Variants in INPP5D observed in about 807,000 individuals in gnomAD.
INPP5D encodes the protein phosphatidylinositol 3,4,5-trisphosphate 5-phosphatase 1.
INPP5D carries 33 observed loss-of-function variants against 122.9 expected under a neutral mutation model. That is an observed-to-expected ratio of 0.27 (90% confidence interval 0.20 to 0.36). The LOEUF is 0.36. Ranked by LOEUF, INPP5D falls within the 10% of genes least tolerant of loss-of-function variation. INPP5D has a pLI of 1.00. For synonymous variants in INPP5D, 584 were observed against 576.2 expected (o/e 1.01, Z -0.19); for missense variants, 1,053 against 1,412.7 (o/e 0.75, Z 4.08).
At chr2:233,191,116 G>A (rs1210628331) in intron 22 of INPP5D, among the ~76,000 whole-genome samples, 1 of 152,186 alleles carries the variant, frequency 6.6e-6, no homozygotes. Context: ...GGAAAGAGGT[G>A]TAATTGACTC....
At chr2:233,130,433 G>C in intron 4 of INPP5D, 75 bp from the exon 5 acceptor site, 1 of 1,485,816 alleles carries the variant, frequency 6.7e-7, no homozygotes. Context: ...TTGTTATTGT[G>C]GTTGCTGTTC....
intron 2 of INPP5D, among the ~76,000 whole-genome samples, chr2:233,085,345 C>T (rs868640504): frequency 1.3e-5 from 2 of 151,378 alleles, no homozygotes; most frequent in Admixed American, 6.6e-5. Context: ...GAGGTCTCAC[C>T]ACTGCACTCC....
chr2:233,150,818 G>T (rs1229015810), intron 9 of INPP5D, among the ~76,000 whole-genome samples: 1 of 152,172 alleles, frequency 6.6e-6, no homozygotes, highest in African/African-American at 2.4e-5. Context: ...CTCTTTTGGG[G>T]AGTGAGGGCA....
At position 233,170,618 on chromosome 2, in the gene INPP5D, C is replaced by A. The variant is rs1227854433; in HGVS notation, c.1900+14C>A. 1.2e-6 allele frequency: 2 copies of A among 1,611,656 alleles called. No homozygotes were observed. The highest frequency in any genetic ancestry group is 1.7e-6 in the Non-Finnish European group (2 of 1,178,984). ...TCCTACACTTCGGTAAGAGCAGCAA[C>A]CCCGGCTGGGAGCGGTGGCTCACAC... On this transcript the variant is annotated intron_variant, in intron 16 of 26. Transcript: ENST00000445964. This position sits in a 1 kb window ranked among gnomAD's most constrained non-coding sequence, Gnocchi z 4.5.
At position 233,195,414 on chromosome 2, in the gene INPP5D, A is replaced by G; in HGVS notation, c.2612A>G (p.Glu871Gly). 1 of 1,612,996 alleles carries G rather than the reference A, an allele frequency of 6.2e-7. No individual in the cohort carries two copies. Among genetic ancestry groups the G allele is most frequent in the Non-Finnish European group, 8.5e-7 (1 of 1,179,254 alleles). Residue 871 changes from glutamate to glycine, a missense_variant, in exon 24 of 27, where the codon GAG becomes GGG. Physicochemically the swap from Glu to Gly is moderately conservative, Grantham distance 98. Transcript: ENST00000445964. ...TTCCTTCCAGACTTTGTGAAGACGGAGCGTGATGAATCCAGTGGGCCAAAG... is the reference window on the plus strand; with the variant it reads ...TTCCTTCCAGACTTTGTGAAGACGGGGCGTGATGAATCCAGTGGGCCAAAG... ...REKLYDFVKT[E>G]RDESSGPKTL...
intron 13 of INPP5D, among the ~76,000 whole-genome samples, chr2:233,168,556 A>G (rs1288563624): frequency 6.6e-6 from 1 of 152,278 alleles, no homozygotes; most frequent in Non-Finnish European, 1.5e-5. Flanking sequence ...CCAGAAGTCA[A>G]TAGGCATGGC....
intron 2 of INPP5D, among the ~76,000 whole-genome samples, chr2:233,121,712 GA>G (rs1692985222): frequency 6.6e-6 from 1 of 151,644 alleles, no homozygotes; most frequent in Non-Finnish European, 1.5e-5. Context: ...TGTTAGCAGA[GA>G]TGGGGTTTCA....
In INPP5D at chr2:233,102,876, C is replaced by A. The variant is rs537272760; in HGVS notation, c.199-19231C>A. On this transcript the variant is annotated intron_variant, in intron 2 of 26. Coordinates refer to ENST00000445964, the MANE Select transcript of INPP5D (RefSeq NM_001017915.3). The stretch of plus-strand genomic sequence containing the variant: ...AAAAAAAAAAAAAACAACCAAAAAA[C>A]CACAGCGCCTTCTCACTACAAAGCC... Among the ~76,000 whole-genome samples the A allele has an allele frequency of 2.5e-4, 37 of 147,704 alleles. No homozygotes were observed. In the South Asian group the frequency reaches 4.3e-3, roughly 17 times the overall value.
Position 233,139,898 on chromosome 2 carries a change from A to G in INPP5D, c.722A>G (p.Gln241Arg). Reference sequence around the variant, plus strand: ...TCTCTGCAGAGGTTATTTGACCAGCAGCTCTCCCCGGGCCTCCGTCCACGT... The same window carrying G: ...TCTCTGCAGAGGTTATTTGACCAGCGGCTCTCCCCGGGCCTCCGTCCACGT... ...LESLQRLFDQ[Q>R]LSPGLRPRPQ... Residue 241 changes from glutamine to arginine, a missense_variant, in exon 6 of 27, where the codon CAG becomes CGG. This residue lies in a region of INPP5D where 196 missense variants were observed against 175.6 expected (regional missense o/e 1.12). Transcript: ENST00000445964. 1 of 398,772 alleles carries G rather than the reference A, an allele frequency of 2.5e-6. No homozygotes were observed. The highest frequency in any genetic ancestry group is 4.4e-6 in the Non-Finnish European group (1 of 226,228). 24.7% of individuals were successfully genotyped at this position (398,772 alleles called of 1,614,324 possible).
At position 233,197,810 on chromosome 2, in the gene INPP5D, T is replaced by C. The variant is rs943493473; in HGVS notation, c.2694-285T>C. Among the ~76,000 whole-genome samples the C allele has an allele frequency of 3.3e-5, 5 of 152,146 alleles. No homozygotes were observed. Among genetic ancestry groups the C allele is most frequent in the African/African-American group, 1.2e-4 (5 of 41,420 alleles). On this transcript the variant is annotated intron_variant, in intron 24 of 26. Coordinates refer to ENST00000445964, the MANE Select transcript of INPP5D (RefSeq NM_001017915.3). This position sits in a 1 kb window ranked among gnomAD's most constrained non-coding sequence, Gnocchi z 4.4. ...GTGTCTCTGTGTCACTGAGCTTGTT[T>C]TTCTCTCCCATCAAAAGTGAGTTCC...
At position 233,204,501 on chromosome 2, in the gene INPP5D, G is replaced by C; in HGVS notation, c.3351G>C (p.Pro1117=). 1.3e-6 allele frequency: 2 copies of C among 1,582,504 alleles called. No homozygotes were observed. The highest frequency in any genetic ancestry group is 1.7e-6 in the Non-Finnish European group (2 of 1,165,726). Reference sequence around the variant, plus strand: ...CGGTCAGCTCCCAGGCCCCGGTGCCGGCCAAGAGGCCCATCAAGCCTTCCA... The same window carrying C: ...CGGTCAGCTCCCAGGCCCCGGTGCCCGCCAAGAGGCCCATCAAGCCTTCCA... ...KTPVSSQAPV[P]AKRPIKPSRS... Residue 1117 remains proline (P), a synonymous_variant, in exon 26 of 27, where the codon CCG becomes CCC. Coordinates refer to ENST00000445964, the MANE Select transcript of INPP5D (RefSeq NM_001017915.3).
intron 8 of INPP5D, among the ~76,000 whole-genome samples, chr2:233,146,811 CATGAGA>C (rs1162825094): frequency 6.6e-6 from 1 of 152,126 alleles, no homozygotes; most frequent in Admixed American, 6.5e-5. Flanking sequence ...CTGTGATTTC[CATGAGA>C]ATGACTGGAT....
rs1695494509 is a variant in INPP5D at position 233,206,098 on chromosome 2, C to T, written c.3568-608C>T. Reference sequence around the variant, plus strand: ...CATCTCAAAAAAGAGAACAGTCAGGCTATGTTGGATTTGAATCCCAGCCCT... The same window carrying T: ...CATCTCAAAAAAGAGAACAGTCAGGTTATGTTGGATTTGAATCCCAGCCCT... On this transcript the variant is annotated intron_variant, in intron 26 of 26. Coordinates refer to ENST00000445964, the MANE Select transcript of INPP5D (RefSeq NM_001017915.3). The surrounding 1 kb of genome is among the most constrained non-coding windows in gnomAD (Gnocchi z 4.0). 6.6e-6 allele frequency among the ~76,000 whole-genome samples: 1 copy of T among 151,870 alleles called. No individual in the cohort carries two copies. The highest frequency in any genetic ancestry group is 2.4e-5 in the African/African-American group (1 of 41,342).
intron 1 of INPP5D, among the ~76,000 whole-genome samples, chr2:233,075,805 G>A (rs1008464889): frequency 6.6e-6 from 1 of 152,128 alleles, no homozygotes; most frequent in Admixed American, 6.5e-5. Context: ...TCCCTTGAAG[G>A]TTGAAACTGA....
intron 17 of INPP5D, among the ~76,000 whole-genome samples, chr2:233,176,663 G>GTGGGTGGATGGATGAGTGGATGAA (rs1396388962): frequency 8.3e-4 from 110 of 133,106 alleles, no homozygotes; most frequent in African/African-American, 3.2e-3. Flanking sequence ...GGATGGGTGG[G>GTGGGTGGATGGATGAGTGGATGAA]TGGGTGGATG....
intron 17 of INPP5D, among the ~76,000 whole-genome samples, chr2:233,176,295 A>C (rs1012899286): frequency 9.8e-6 from 1 of 101,766 alleles, no homozygotes; most frequent in African/African-American, 3.6e-5. Context: ...GTGAACGGTC[A>C]ATGGATGAGT....
intron 2 of INPP5D, among the ~76,000 whole-genome samples, chr2:233,081,898 C>T (rs1272920605): frequency 6.6e-6 from 1 of 152,184 alleles, no homozygotes; most frequent in Non-Finnish European, 1.5e-5. Context: ...GCTTTCTCCG[C>T]ATGAGCCACT....
intron 2 of INPP5D, among the ~76,000 whole-genome samples, chr2:233,120,943 T>A (rs909708776): frequency 6.6e-6 from 1 of 152,036 alleles, no homozygotes; most frequent in African/African-American, 2.4e-5. Context: ...GCAAAACAAT[T>A]GCTGGAATTG....
chr2:233,166,149 G>T (rs375586031), intron 13 of INPP5D, among the ~76,000 whole-genome samples: 6 of 152,228 alleles, frequency 3.9e-5, no homozygotes, highest in Admixed American at 6.5e-5. Flanking sequence ...CTGCGCCCAC[G>T]CCCTCCTGCT....
Sources: gnomAD v4.1 joint callset for allele counts (sites outside exome capture counted in the v4.1 genomes callset) on GRCh38, gnomAD v4.1.1 for gene constraint, gnomAD v4.1.1 regional missense constraint, Gnocchi (gnomAD v3.1) non-coding constraint, MANE v1.5 for transcripts, NCBI Gene and HGNC (gene_info 2026-07-23, HGNC 2026-07-21) for gene names.